Variants in EDIL3 observed in about 807,000 individuals in gnomAD.
The protein encoded by EDIL3 is EGF like and discoidin domains 3, also known as EGF-like repeat and discoidin I-like domain-containing protein 3.
A neutral mutation model predicts 67.4 loss-of-function variants in EDIL3; 37 were observed. The observed-to-expected ratio is 0.55, with a 90% CI of 0.42 to 0.72. The LOEUF (loss-of-function observed/expected upper bound fraction) is 0.72, where lower values mean the gene tolerates loss of function less well. EDIL3 is among the 30% of genes least tolerant of loss of function. The pLI, the probability that EDIL3 is intolerant of heterozygous loss-of-function variation, is 0.00. For missense variants in EDIL3, 527 were observed against 586.3 expected (o/e 0.90, Z 1.04); for synonymous variants, 195 against 196.3 (o/e 0.99, Z 0.05).
chr5:84,353,035 T>G (rs1580095981), intron 1 of EDIL3, among the ~76,000 whole-genome samples: 1 of 152,204 alleles, frequency 6.6e-6, no homozygotes, highest in African/African-American at 2.4e-5. Context: ...GGGATGATAG[T>G]CAACATATTT....
intron 9 of EDIL3, among the ~76,000 whole-genome samples, chr5:84,039,411 C>G (rs943274126): frequency 1.2e-4 from 18 of 152,190 alleles, no homozygotes; most frequent in African/African-American, 4.3e-4. Flanking sequence ...ATCTTTACCA[C>G]CAGAACGAAA....
rs1288764617 is a variant in EDIL3 at position 83,941,458 on chromosome 5, C to T, written c.*1961G>A. On this transcript the variant is annotated 3_prime_UTR_variant, in exon 11 of 11. Transcript: ENST00000296591. Reference sequence around the variant, plus strand: ...AGCGTAAGTAATAATCTTAAAAATACACTCTTAAGAAGGTATGTAATTTGC... The same window carrying T: ...AGCGTAAGTAATAATCTTAAAAATATACTCTTAAGAAGGTATGTAATTTGC... The T allele has an allele frequency of 2.6e-5, 4 of 151,820 alleles. No individual in the cohort carries two copies. The highest frequency in any genetic ancestry group is 5.9e-5 in the Non-Finnish European group (4 of 67,880). 9.4% of individuals were successfully genotyped at this position (151,820 alleles called of 1,614,324 possible). A position where few individuals can be genotyped will look rare whatever the true frequency, so the allele number is the denominator to read the frequency against.
chr5:84,237,164 ATG>A (rs990587052), intron 2 of EDIL3, among the ~76,000 whole-genome samples: 2 of 152,042 alleles, frequency 1.3e-5, no homozygotes, highest in Non-Finnish European at 1.5e-5. Flanking sequence ...TGCTTTATTT[ATG>A]TGTGGGAGAC....
intron 1 of EDIL3, among the ~76,000 whole-genome samples, chr5:84,301,957 C>A (rs1227774613): frequency 6.6e-6 from 1 of 152,090 alleles, no homozygotes; most frequent in Non-Finnish European, 1.5e-5. Flanking sequence ...GACACAGGAA[C>A]TTAAAATCTA....
At chr5:84,355,760 G>A (rs1026037711) in intron 1 of EDIL3, among the ~76,000 whole-genome samples, 1 of 152,154 alleles carries the variant, frequency 6.6e-6, no homozygotes, top group African/African-American at 2.4e-5. Context: ...GGAGGCACAG[G>A]CATCAGGGAC....
At chr5:84,000,295 G>C (rs1745309595) in intron 9 of EDIL3, among the ~76,000 whole-genome samples, 1 of 152,040 alleles carries the variant, frequency 6.6e-6, no homozygotes, top group Non-Finnish European at 1.5e-5. Flanking sequence ...CTTATATCTT[G>C]AGTAGGAAAA....
At chr5:84,085,229 T>A (rs990120424) in intron 6 of EDIL3, among the ~76,000 whole-genome samples, 2 of 152,148 alleles carry the variant, frequency 1.3e-5, no homozygotes, top group African/African-American at 4.8e-5. Context: ...GCTGGAGAGT[T>A]GTTGTGATCA....
chr5:84,196,926 G>C (rs1343431973), intron 3 of EDIL3: 1 of 152,014 alleles, frequency 6.6e-6, no homozygotes, highest in Non-Finnish European at 1.5e-5. Context: ...GAATGATACA[G>C]AGAATATTAG....
chr5:84,382,291 G>A (rs2112226663), intron 1 of EDIL3, among the ~76,000 whole-genome samples: 1 of 152,282 alleles, frequency 6.6e-6, no homozygotes, highest in South Asian at 2.1e-4. Context: ...CTCCATGGTT[G>A]GCTTGTCTGG....
chr5:84,252,206 G>A (rs942166223), intron 2 of EDIL3, among the ~76,000 whole-genome samples: 4 of 151,618 alleles, frequency 2.6e-5, no homozygotes, highest in African/African-American at 7.3e-5. Flanking sequence ...TTTAAAATTC[G>A]GCTGGCCGGG....
At position 84,334,812 on chromosome 5, in the gene EDIL3, T is replaced by TA. The variant is rs141628608; in HGVS notation, c.67+49495dup. Among the ~76,000 whole-genome samples the TA allele has an allele frequency of 5.0e-3, 768 of 152,234 alleles. 6 individuals carry two copies. Among genetic ancestry groups the TA allele is most frequent in the Middle Eastern group, 0.027 (8 of 294 alleles). ...TTATCTTTCAGTAAATACTATTTTT[T>TA]AAAAAAACTTTCTAAATAAACATTG... On this transcript the variant is annotated intron_variant, in intron 1 of 10. Coordinates refer to ENST00000296591, the MANE Select transcript of EDIL3 (RefSeq NM_005711.5).
chr5:84,186,095 G>A (rs1223914872), intron 3 of EDIL3, among the ~76,000 whole-genome samples: 4 of 151,990 alleles, frequency 2.6e-5, no homozygotes, highest in Admixed American at 2.0e-4. Context: ...TGCCCCAAGT[G>A]ATAATAAGCA....
intron 5 of EDIL3, among the ~76,000 whole-genome samples, chr5:84,109,154 G>T (rs1482349373): frequency 6.6e-6 from 1 of 152,076 alleles, no homozygotes; most frequent in Non-Finnish European, 1.5e-5. Context: ...AACTCACTCT[G>T]CCATAAGGTT....
At chr5:84,124,359 A>T (rs1451216574) in intron 5 of EDIL3, among the ~76,000 whole-genome samples, 1 of 151,990 alleles carries the variant, frequency 6.6e-6, no homozygotes, top group Non-Finnish European at 1.5e-5. Context: ...AGAATGAAAT[A>T]AAATTGAATA....
At chr5:84,098,266 A>G (rs1747300995) in intron 6 of EDIL3, among the ~76,000 whole-genome samples, 1 of 152,118 alleles carries the variant, frequency 6.6e-6, no homozygotes, top group Admixed American at 6.5e-5. Flanking sequence ...ATTGAATACT[A>G]ATTAGTGCAT....
chr5:84,381,793 T>A (rs1021333267), intron 1 of EDIL3, among the ~76,000 whole-genome samples: 8 of 152,244 alleles, frequency 5.3e-5, no homozygotes, highest in African/African-American at 1.9e-4. Flanking sequence ...ATACCGTGAA[T>A]AATTTAATAG....
intron 5 of EDIL3, among the ~76,000 whole-genome samples, chr5:84,124,645 T>C (rs348904): frequency 0.31 from 46,594 of 151,734 alleles, 7,695 homozygotes; most frequent in Non-Finnish European, 0.37. Flanking sequence ...TTTTATGTGT[T>C]ACTTTGTATA....
At chr5:84,078,167 T>C (rs796255669) in intron 6 of EDIL3, among the ~76,000 whole-genome samples, 4 of 152,308 alleles carry the variant, frequency 2.6e-5, no homozygotes, top group African/African-American at 9.6e-5. Context: ...GAAAAACTTT[T>C]GCATAAGTGC....
chr5:84,021,516 T>C (rs894853178), intron 9 of EDIL3, among the ~76,000 whole-genome samples: 6 of 152,028 alleles, frequency 3.9e-5, no homozygotes, highest in Non-Finnish European at 7.4e-5. Context: ...GTTTCCAAAG[T>C]TCCTCTTGGT....
Sources: allele counts gnomAD v4.1 joint callset (sites outside exome capture counted in the v4.1 genomes callset), GRCh38; gene constraint gnomAD v4.1.1; transcripts MANE v1.5; gene names NCBI Gene and HGNC (gene_info 2026-07-23, HGNC 2026-07-21).